The following IGF1R variants were observed in gnomAD, a reference collection of about 807,000 sequenced individuals.
IGF1R encodes the protein insulin like growth factor 1 receptor.
IGF1R carries 44 observed loss-of-function variants against 144.6 expected under a neutral mutation model. The ratio of observed to expected loss-of-function variants is 0.30; its 90% CI spans 0.24 to 0.39. The LOEUF (loss-of-function observed/expected upper bound fraction) is 0.39, where lower values mean the gene tolerates loss of function less well. Ranked by LOEUF, IGF1R falls within the 10% of genes least tolerant of loss-of-function variation. The pLI, the probability that IGF1R is intolerant of heterozygous loss-of-function variation, is 1.00. For synonymous variants in IGF1R, 795 were observed against 722.8 expected, an observed-to-expected ratio of 1.10 and a Z score of -1.60; for missense variants, 1,355 against 1,833.7, an observed-to-expected ratio of 0.74 and a Z score of 4.77.
At chr15:98,708,687 C>G (rs896398539) in intron 2 of IGF1R, among the ~76,000 whole-genome samples, 1 of 152,134 alleles carries the variant, frequency 6.6e-6, no homozygotes, top group Non-Finnish European at 1.5e-5. Context: ...GAGCACCTGG[C>G]CCAGGTGGGA....
chr15:98,951,712 C>T (rs563982104), intron 20 of IGF1R, among the ~76,000 whole-genome samples: 100 of 152,314 alleles, frequency 6.6e-4, no homozygotes, highest in African/African-American at 2.2e-3. Flanking sequence ...CCCTGTTCTA[C>T]GTGGGCCTCT....
intron 1 of IGF1R, among the ~76,000 whole-genome samples, chr15:98,703,410 C>T (rs1284240152): frequency 6.6e-6 from 1 of 152,172 alleles, no homozygotes; most frequent in African/African-American, 2.4e-5. Context: ...GCTTGCGCCT[C>T]CTGAACGCTG....
intron 15 of IGF1R, among the ~76,000 whole-genome samples, chr15:98,932,012 C>A (rs2015962294): frequency 1.3e-5 from 2 of 152,220 alleles, no homozygotes; most frequent in African/African-American, 4.8e-5. Context: ...ACGAGAGAAG[C>A]TATTCTGCTT....
In IGF1R at chr15:98,649,540, T is replaced by G. The variant is rs1567056200; in HGVS notation, c.-42T>G. 1.0e-6 allele frequency: 1 copy of G among 981,010 alleles called. No homozygotes were observed. The highest frequency in any genetic ancestry group is 1.5e-6 in the Non-Finnish European group (1 of 650,258). 60.8% of individuals were successfully genotyped at this position (981,010 alleles called of 1,614,324 possible). A position where few individuals can be genotyped will look rare whatever the true frequency, so the allele number is the denominator to read the frequency against. On this transcript the variant is annotated 5_prime_UTR_variant, in exon 1 of 21. Transcript: ENST00000650285. ...CTTTTCTTTTCTTTTTTTTTTTTTTTTTTTTTTTTGAGAAAGGGGAATTTC... is the reference window on the plus strand; with the variant it reads ...CTTTTCTTTTCTTTTTTTTTTTTTTGTTTTTTTTTGAGAAAGGGGAATTTC...
chr15:98,951,700 C>T (rs1394403046), intron 20 of IGF1R, among the ~76,000 whole-genome samples: 5 of 152,204 alleles, frequency 3.3e-5, no homozygotes, highest in Admixed American at 6.5e-5. Context: ...CTGCATGAAT[C>T]GCCCTGTTCT....
chr15:98,778,878 GCT>G (rs1427808029), intron 2 of IGF1R, among the ~76,000 whole-genome samples: 9 of 152,286 alleles, frequency 5.9e-5, no homozygotes, highest in African/African-American at 1.9e-4. Context: ...CATATGCATA[GCT>G]CTCTGTCTTT....
intron 2 of IGF1R, among the ~76,000 whole-genome samples, chr15:98,777,390 G>A (rs1303580694): frequency 6.6e-6 from 1 of 152,240 alleles, no homozygotes; most frequent in East Asian, 1.9e-4. Context: ...CTTGAATTCA[G>A]TTCCAGGGTT....
intron 2 of IGF1R, among the ~76,000 whole-genome samples, chr15:98,722,056 C>T (rs572213149): frequency 6.6e-6 from 1 of 152,272 alleles, no homozygotes; most frequent in East Asian, 1.9e-4. Context: ...GGTTTCCTTG[C>T]TAGTTCCTTG....
chr15:98,881,731 G>A (rs1388748742), intron 2 of IGF1R, among the ~76,000 whole-genome samples: 1 of 152,184 alleles, frequency 6.6e-6, no homozygotes. Context: ...TCCAAGCCCA[G>A]GTTTGCAGTG....
intron 2 of IGF1R, among the ~76,000 whole-genome samples, chr15:98,875,354 T>C (rs573705224): frequency 1.5e-4 from 22 of 150,122 alleles, no homozygotes; most frequent in African/African-American, 3.5e-4. Flanking sequence ...CTTTTCTTTT[T>C]TTTTTTTTTT....
At chr15:98,702,474 C>T (rs2141250593) in intron 1 of IGF1R, among the ~76,000 whole-genome samples, 1 of 152,204 alleles carries the variant, frequency 6.6e-6, no homozygotes. Context: ...CCTCAGCCAC[C>T]CAAGTAGCTG....
intron 1 of IGF1R, among the ~76,000 whole-genome samples, chr15:98,663,490 T>C (rs965665730): frequency 3.9e-5 from 6 of 152,240 alleles, no homozygotes; most frequent in African/African-American, 1.2e-4. Context: ...GCATCATGGA[T>C]ACCTGGTAGC....
At chr15:98,686,071 C>T (rs1044589076) in intron 1 of IGF1R, among the ~76,000 whole-genome samples, 1 of 152,212 alleles carries the variant, frequency 6.6e-6, no homozygotes, top group African/African-American at 2.4e-5. Flanking sequence ...TTGGCAACCG[C>T]CATTCCACTT....
At chr15:98,851,006 C>T (rs1713979675) in intron 2 of IGF1R, among the ~76,000 whole-genome samples, 1 of 152,182 alleles carries the variant, frequency 6.6e-6, no homozygotes, top group South Asian at 2.1e-4. Context: ...GTTGAAAACA[C>T]CATCTGCAAC....
chr15:98,834,427 A>G (rs896075454), intron 2 of IGF1R, among the ~76,000 whole-genome samples: 3 of 152,240 alleles, frequency 2.0e-5, no homozygotes, highest in African/African-American at 7.2e-5. Context: ...CCGTCACGTG[A>G]GTTATCTCAC....
At chr15:98,919,215 TCTC>T (rs1331743299) in intron 10 of IGF1R, among the ~76,000 whole-genome samples, 4 of 152,268 alleles carry the variant, frequency 2.6e-5, no homozygotes, top group South Asian at 2.1e-4. Flanking sequence ...TTCCCCCTCT[TCTC>T]CTCCATTGCG....
chr15:98,695,882 C>G (rs1366316121), intron 1 of IGF1R, among the ~76,000 whole-genome samples: 4 of 152,174 alleles, frequency 2.6e-5, no homozygotes, highest in African/African-American at 9.7e-5. Context: ...GAAGGGACTT[C>G]TGGTCCCTGC....
rs540008041 is a variant in IGF1R at position 98,683,858 on chromosome 15, C to G, written c.95-23704C>G. 5.3e-4 allele frequency among the ~76,000 whole-genome samples: 81 copies of G among 152,298 alleles called. 3 individuals carry two copies. The highest frequency in any genetic ancestry group is 1.9e-3 in the African/African-American group (81 of 41,556). ...CATTCTTCTTAATTTTTTCTGATCTCTAAGACACTGAGACAGCTGTTAATT... is the reference window on the plus strand; with the variant it reads ...CATTCTTCTTAATTTTTTCTGATCTGTAAGACACTGAGACAGCTGTTAATT... On this transcript the variant is annotated intron_variant, in intron 1 of 20. Transcript: ENST00000650285.
rs903018872 is a variant in IGF1R, at chr15:98,958,716, TA to T, written c.*1275del. 3.0e-5 allele frequency: 7 copies of T among 231,776 alleles called. No homozygotes were observed. The highest frequency in any genetic ancestry group is 8.9e-5 in the African/African-American group (4 of 45,196). 14.4% of individuals were successfully genotyped at this position (231,776 alleles called of 1,614,324 possible). A position where few individuals can be genotyped will look rare whatever the true frequency, so the allele number is the denominator to read the frequency against. On this transcript the variant is annotated 3_prime_UTR_variant, in exon 21 of 21. Transcript: ENST00000650285. ...GTCTGTACAGAAAAAAAAAAGCTGC[TA>T]TTTTTTTTGTTCTTGATCTTTGTGG...
Sources: allele counts gnomAD v4.1 joint callset (sites outside exome capture counted in the v4.1 genomes callset), GRCh38; gene constraint gnomAD v4.1.1; transcripts MANE v1.5; gene names NCBI Gene and HGNC (gene_info 2026-07-23, HGNC 2026-07-21).